The following SCAI variants were observed in gnomAD, a reference collection of about 807,000 sequenced individuals.
SCAI encodes protein SCAI.
SCAI carries 24 observed loss-of-function variants against 92.2 expected under a neutral mutation model. That is an observed-to-expected ratio of 0.26 (90% confidence interval 0.19 to 0.37). The LOEUF is 0.37. SCAI is among the 10% of genes least tolerant of loss of function. The pLI is 1.00. For missense variants in SCAI, 450 were observed against 736.2 expected, an observed-to-expected ratio of 0.61 and a Z score of 4.50; for synonymous variants, 261 against 258.6, an observed-to-expected ratio of 1.01 and a Z score of -0.09.
intron 9 of SCAI, among the ~76,000 whole-genome samples, chr9:125,012,287 A>G (rs1450522770): frequency 1.3e-5 from 2 of 152,190 alleles, no homozygotes; most frequent in East Asian, 3.9e-4. Context: ...CAGGAAACCC[A>G]TCTCACGTGC....
At chr9:125,061,622 T>G (rs969171324) in intron 2 of SCAI, among the ~76,000 whole-genome samples, 3 of 152,044 alleles carry the variant, frequency 2.0e-5, no homozygotes, top group African/African-American at 7.2e-5. Context: ...TAGCCAGGCA[T>G]GGTGGCACAT....
At chr9:125,015,912 C>T (rs1832746984) in intron 9 of SCAI, among the ~76,000 whole-genome samples, 1 of 151,362 alleles carries the variant, frequency 6.6e-6, no homozygotes, top group South Asian at 2.1e-4. Context: ...TCATCATTCT[C>T]AGTAAACTAT....
chr9:125,032,774 C>A (rs748464083), intron 3 of SCAI, among the ~76,000 whole-genome samples: 2 of 151,604 alleles, frequency 1.3e-5, no homozygotes, highest in African/African-American at 4.8e-5. Context: ...TCACCACGCC[C>A]GGTTAATTTT....
chr9:124,955,250 T>A (rs546518514), intron 17 of SCAI, among the ~76,000 whole-genome samples: 1 of 150,646 alleles, frequency 6.6e-6, no homozygotes, highest in African/African-American at 2.4e-5. Context: ...CTATAATATA[T>A]ATTAAAGTAA....
intron 2 of SCAI, among the ~76,000 whole-genome samples, chr9:125,077,019 C>CA (rs996258666): frequency 5.3e-5 from 8 of 151,936 alleles, no homozygotes; most frequent in Admixed American, 1.3e-4. Context: ...CATTTTTCTA[C>CA]AAAAAAATGA....
intron 2 of SCAI, among the ~76,000 whole-genome samples, chr9:125,135,971 C>CAAAAAAA (rs1359728011): frequency 1.7e-4 from 14 of 81,068 alleles, no homozygotes; most frequent in East Asian, 1.6e-3. Flanking sequence ...CCATCTCAAA[C>CAAAAAAA]AAAAAAAAAA....
intron 2 of SCAI, among the ~76,000 whole-genome samples, chr9:125,135,753 G>A (rs12057073): frequency 6.6e-6 from 1 of 151,710 alleles, no homozygotes; most frequent in African/African-American, 2.4e-5. Context: ...ACGGATCACC[G>A]GAGGTCAGGA....
rs539117706 is a variant in SCAI, at chr9:125,016,515, T to G, written c.861+2284A>C. On this transcript the variant is annotated intron_variant, in intron 9 of 17. Coordinates refer to ENST00000336505, the MANE Select transcript of SCAI (RefSeq NM_001144877.3). ...AAGAGAAAAAATTAGAAAAAATCAG[T>G]ATTTCATTTACTACAATATATCGAG... 1.1e-4 allele frequency among the ~76,000 whole-genome samples: 17 copies of G among 152,050 alleles called. No individual in the cohort carries two copies. In the East Asian group the frequency reaches 3.1e-3, roughly 28 times the overall value.
In SCAI at chr9:124,976,172, C is replaced by T. The variant is rs745411415; in HGVS notation, c.1341G>A (p.Leu447=). Residue 447 remains leucine, a synonymous_variant, in exon 15 of 18, where the codon TTG becomes TTA. Coordinates refer to ENST00000336505, the MANE Select transcript of SCAI (RefSeq NM_001144877.3). The part of the protein sequence containing the change: ...NSVAYKNFTN[L]FGQPLVCLLS... The stretch of plus-strand genomic sequence containing the variant: ...GCAAGCAGACTAGTGGCTGTCCAAA[C>T]AAGTTTGTGAAATTCTGTAATATAT... The T allele has an allele frequency of 6.2e-7, 1 of 1,610,486 alleles. No homozygotes were observed. Among genetic ancestry groups the T allele is most frequent in the South Asian group, 1.1e-5 (1 of 91,004 alleles).
At chr9:124,982,968 C>G (rs544629052) in intron 14 of SCAI, among the ~76,000 whole-genome samples, 233 of 152,072 alleles carry the variant, frequency 1.5e-3, no homozygotes, top group Non-Finnish European at 1.6e-3. Context: ...GCCTGGAGAA[C>G]ATAGCAAGAC....
Position 125,126,589 on chromosome 9 carries a change from T to TGA in SCAI, c.98+16042_98+16043dup, listed in dbSNP as rs147437849. 1.3e-3 allele frequency among the ~76,000 whole-genome samples: 179 copies of TGA among 143,120 alleles called. No individual in the cohort carries two copies. In the South Asian group the frequency reaches 0.015, roughly 12 times the overall value. The allele number at this position is 143,120 out of a possible 152,430, so 93.9% of individuals were successfully genotyped here. Reference sequence around the variant, plus strand: ...GTGGGTGTGTGTGTGTGTGTGTGTGTGAGAGAGAGAGAGAGAACACACATG... The same window carrying TGA: ...GTGGGTGTGTGTGTGTGTGTGTGTGTGAGAGAGAGAGAGAGAGAACACACATG... On this transcript the variant is annotated intron_variant, in intron 2 of 17. Transcript: ENST00000336505.
At chr9:125,077,313 T>C (rs1336787291) in intron 2 of SCAI, among the ~76,000 whole-genome samples, 1 of 152,242 alleles carries the variant, frequency 6.6e-6, no homozygotes, top group Non-Finnish European at 1.5e-5. Flanking sequence ...TTCCTTGTAA[T>C]ACTCTATTGT....
chr9:125,059,368 G>T (rs1159540041), intron 2 of SCAI, among the ~76,000 whole-genome samples: 10 of 152,184 alleles, frequency 6.6e-5, no homozygotes, highest in Non-Finnish European at 1.5e-4. Flanking sequence ...GGATCCTTCT[G>T]CTGTAAAGGA....
intron 14 of SCAI, among the ~76,000 whole-genome samples, chr9:124,977,859 G>A (rs535877081): frequency 1.3e-5 from 2 of 152,110 alleles, no homozygotes; most frequent in South Asian, 4.2e-4. Flanking sequence ...AAACTGAATA[G>A]CCATCTAAAA....
intron 15 of SCAI, among the ~76,000 whole-genome samples, chr9:124,975,653 A>C (rs1185474361): frequency 6.6e-6 from 1 of 152,238 alleles, no homozygotes; most frequent in Non-Finnish European, 1.5e-5. Flanking sequence ...TGAATAAAAG[A>C]AACACTTTAA....
chr9:125,042,570 C>A (rs1264606851), intron 3 of SCAI, among the ~76,000 whole-genome samples: 2 of 149,626 alleles, frequency 1.3e-5, no homozygotes, highest in African/African-American at 4.9e-5. Flanking sequence ...CCATTAACTT[C>A]TCTTTCCTTA....
At chr9:125,064,032 CG>C (rs1564398586) in intron 2 of SCAI, among the ~76,000 whole-genome samples, 1 of 152,082 alleles carries the variant, frequency 6.6e-6, no homozygotes, top group African/African-American at 2.4e-5. Flanking sequence ...GGATTACAGG[CG>C]TGAGCCACCG....
chr9:125,046,334 T>C (rs185933320), intron 3 of SCAI, among the ~76,000 whole-genome samples: 1,087 of 37,802 alleles, frequency 0.029, 67 homozygotes, highest in Admixed American at 0.18. Context: ...CACACACACA[T>C]ATATATATGT....
intron 3 of SCAI, among the ~76,000 whole-genome samples, chr9:125,034,294 TAGG>T (rs1293312422): frequency 1.3e-5 from 2 of 152,190 alleles, no homozygotes; most frequent in African/African-American, 2.4e-5. Flanking sequence ...TCTCCCAGGG[TAGG>T]AGAAGAGGCA....
Sources: allele counts gnomAD v4.1 joint callset (sites outside exome capture counted in the v4.1 genomes callset), GRCh38; gene constraint gnomAD v4.1.1; transcripts MANE v1.5; gene names NCBI Gene and HGNC (gene_info 2026-07-23, HGNC 2026-07-21).